Variants in CDV3 observed in about 807,000 individuals in gnomAD.
The protein encoded by CDV3 is protein CDV3 homolog.
Under a neutral mutation model 24.5 loss-of-function variants are expected in CDV3, and 14 were observed. The ratio of observed to expected loss-of-function variants is 0.57; its 90% CI spans 0.38 to 0.89. CDV3 has a LOEUF of 0.89. Among genes scored for constraint, CDV3 ranks in the 40% least tolerant of loss-of-function variants. The pLI is 0.00. For synonymous variants in CDV3, 114 were observed against 114.1 expected (o/e 1.00, Z 0.00); for missense variants, 304 against 310.2 (o/e 0.98, Z 0.15).
intron 2 of CDV3, among the ~76,000 whole-genome samples, chr3:133,583,159 A>G (rs901633929): frequency 1.3e-5 from 2 of 152,212 alleles, no homozygotes; most frequent in African/African-American, 4.8e-5. Context: ...CTGAGATCTT[A>G]TATATTTTTT....
At position 133,588,686 on chromosome 3, in the gene CDV3, G is replaced by A. The variant is rs1224018300; in HGVS notation, c.*640G>A. The A allele has an allele frequency of 3.2e-5, 10 of 309,718 alleles. No individual in the cohort carries two copies. The highest frequency in any genetic ancestry group is 5.3e-5 in the Non-Finnish European group (9 of 169,854). The allele number at this position is 309,718 out of a possible 1,614,324, so 19.2% of individuals were successfully genotyped here. On this transcript the variant is annotated 3_prime_UTR_variant, in exon 5 of 5. Coordinates refer to ENST00000264993, the MANE Select transcript of CDV3 (RefSeq NM_017548.5). ...GATGTGTTCAGATCATCTGTGTAGG[G>A]CTGTGATTTGTAATTTAAACTAATT...
Position 133,573,939 on chromosome 3 carries a change from C to G in CDV3, c.-106C>G, listed in dbSNP as rs1463478158. On this transcript the variant is annotated 5_prime_UTR_variant, in exon 1 of 5. Transcript: ENST00000264993. ...CGACCCCGCGGGGCTGAGGCGTCGC[C>G]GCGCCCGGCAGCGTGAGCGCAGAGC... The G allele has an allele frequency of 1.1e-5, 10 of 941,122 alleles. No homozygotes were observed. The highest frequency in any genetic ancestry group is 6.1e-5 in the Admixed American group (1 of 16,316). 58.3% of individuals were successfully genotyped at this position (941,122 alleles called of 1,614,324 possible).
rs879621910 is a variant in CDV3, at chr3:133,580,702, C to CA, written c.318-3288dup. ...GGGCAACAGGAGTGAAACTCCATCT[C>CA]AAAAAAAAAAAATAGAGACAGAGTC... On this transcript the variant is annotated intron_variant, in intron 2 of 4. Coordinates refer to ENST00000264993, the MANE Select transcript of CDV3 (RefSeq NM_017548.5). 3.7e-3 allele frequency among the ~76,000 whole-genome samples: 533 copies of CA among 142,362 alleles called. 3 individuals are homozygous for CA. The highest frequency in any genetic ancestry group is 0.01 in the African/African-American group (407 of 39,004). 93.4% of individuals were successfully genotyped at this position (142,362 alleles called of 152,430 possible).
At chr3:133,578,387 T>G (rs2107705456) in intron 2 of CDV3, among the ~76,000 whole-genome samples, 1 of 152,362 alleles carries the variant, frequency 6.6e-6, no homozygotes, top group South Asian at 2.1e-4. Context: ...TGGAGCCCAG[T>G]GGTTTTCTAG....
intron 1 of CDV3, 185 bp from the exon 2 acceptor site, chr3:133,574,854 C>A: frequency 1.4e-6 from 1 of 736,096 alleles, no homozygotes; most frequent in South Asian, 2.3e-5. Flanking sequence ...ATAGTGTTAG[C>A]CTACGAGCAT....
In CDV3 at chr3:133,590,022, T is replaced by TA. The variant is rs1210834939; in HGVS notation, c.*1977dup. ...TGAACAGATGAGTAAGTGGAGGTGT[T>TA]ATGTAAAGGCATATTGTACTCGAAA... is the stretch of plus-strand genomic sequence containing the variant. On this transcript the variant is annotated 3_prime_UTR_variant, in exon 5 of 5. Transcript: ENST00000264993. The TA allele has an allele frequency of 6.6e-6, 1 of 152,228 alleles. No homozygotes were observed. Among genetic ancestry groups the TA allele is most frequent in the Non-Finnish European group, 1.5e-5 (1 of 68,042 alleles). The allele number at this position is 152,228 out of a possible 1,614,324, so 9.4% of individuals were successfully genotyped here. A position where few individuals can be genotyped will look rare whatever the true frequency, so the allele number is the denominator to read the frequency against.
chr3:133,578,354 G>A (rs950812608), intron 2 of CDV3, among the ~76,000 whole-genome samples: 2 of 152,174 alleles, frequency 1.3e-5, no homozygotes, highest in Non-Finnish European at 2.9e-5. Flanking sequence ...CATTTGTCAC[G>A]TTTCAGTAAA....
In CDV3 at chr3:133,588,167, A is replaced by G; in HGVS notation, c.*121A>G. The stretch of plus-strand genomic sequence containing the variant: ...CCGATGCAGACCACTCGATTTCATG[A>G]CCGGCCCTATTGCACTATGGAAGTT... On this transcript the variant is annotated 3_prime_UTR_variant, in exon 5 of 5. Coordinates refer to ENST00000264993, the MANE Select transcript of CDV3 (RefSeq NM_017548.5). The G allele has an allele frequency of 5.8e-6, 9 of 1,544,604 alleles. 1 individual carries two copies. The South Asian group carries it at 1.1e-4, about 20-fold the overall frequency.
At chr3:133,586,110 T>G (rs1263125699) in intron 3 of CDV3, among the ~76,000 whole-genome samples, 1 of 152,132 alleles carries the variant, frequency 6.6e-6, no homozygotes, top group Non-Finnish European at 1.5e-5. Flanking sequence ...TTTTTCTTTT[T>G]TGAGAGCCGG....
Position 133,586,545 on chromosome 3 carries a change from A to G in CDV3, c.467-18A>G. ...GAGCATTTAAATAGTTTATCTAAAA[A>G]TTGTTATAAAATATTAGTTACAGAA... On this transcript the variant is annotated intron_variant, in intron 3 of 4. Transcript: ENST00000264993. The G allele has an allele frequency of 7.2e-7, 1 of 1,387,710 alleles. No homozygotes were observed. The highest frequency in any genetic ancestry group is 1.2e-5 in the South Asian group (1 of 81,304). 86.0% of individuals were successfully genotyped at this position (1,387,710 alleles called of 1,614,324 possible).
In CDV3 at chr3:133,584,021, G is replaced by A. The variant is rs199906391; in HGVS notation, c.337G>A (p.Asp113Asn). Residue 113 changes from aspartate to asparagine, a missense_variant, in exon 3 of 5, where the codon GAT becomes AAT. Asp to Asn is a conservative substitution (Grantham distance 23). This residue lies in a region of CDV3 where 219 missense variants were observed against 203.6 expected (regional missense o/e 1.08). Coordinates refer to ENST00000264993, the MANE Select transcript of CDV3 (RefSeq NM_017548.5). ...TTCCAGCAGTGAAAAGGAAGAAGAC[G>A]ATAATGAAAAGAGACAAGATCCAGG... The part of the protein sequence containing the change: ...MQISSEKEED[D>N]NEKRQDPGDN... 22 of 1,604,764 alleles carry A rather than the reference G, an allele frequency of 1.4e-5. 1 individual carries two copies. The highest frequency in any genetic ancestry group is 2.7e-5 in the African/African-American group (2 of 74,288).
intron 3 of CDV3, among the ~76,000 whole-genome samples, chr3:133,585,470 T>C: frequency 6.6e-6 from 1 of 151,424 alleles, no homozygotes; most frequent in Non-Finnish European, 1.5e-5. Flanking sequence ...CGTGAGCCAT[T>C]GTGCCTGGCT....
chr3:133,579,587 G>A (rs982919492), intron 2 of CDV3, among the ~76,000 whole-genome samples: 10 of 151,674 alleles, frequency 6.6e-5, no homozygotes, highest in Non-Finnish European at 1.3e-4. Flanking sequence ...AGTGTTTTTG[G>A]TTTGTTCGTT....
At chr3:133,575,554 A>G (rs2074773530) in intron 2 of CDV3, among the ~76,000 whole-genome samples, 1 of 152,358 alleles carries the variant, frequency 6.6e-6, no homozygotes, top group Admixed American at 6.5e-5. Context: ...ATGTGTTCAC[A>G]CAGTGCAACC....
chr3:133,576,841 C>CTTTTTGTTTTTTTTTTTT (rs2074827558), intron 2 of CDV3, among the ~76,000 whole-genome samples: 4 of 62,388 alleles, frequency 6.4e-5, no homozygotes, highest in East Asian at 5.2e-4. Flanking sequence ...GGTAGACTAG[C>CTTTTTGTTTTTTTTTTTT]TTTTTTTTTT....
intron 2 of CDV3, among the ~76,000 whole-genome samples, chr3:133,575,350 C>G (rs1001266827): frequency 1.3e-5 from 2 of 152,326 alleles, no homozygotes; most frequent in Middle Eastern, 3.4e-3. Flanking sequence ...ACTTCCAGTT[C>G]TGGTTAGGAC....
At chr3:133,577,172 T>G (rs2074847573) in intron 2 of CDV3, among the ~76,000 whole-genome samples, 1 of 151,996 alleles carries the variant, frequency 6.6e-6, no homozygotes, top group African/African-American at 2.4e-5. Context: ...TTGTTTTTTT[T>G]GTTTTCTTAG....
intron 1 of CDV3, chr3:133,574,711 C>G: frequency 9.2e-7 from 1 of 1,089,198 alleles, no homozygotes; most frequent in Non-Finnish European, 1.1e-6. Flanking sequence ...TCTCTAAGCC[C>G]GTGAAAGAAA....
intron 2 of CDV3, among the ~76,000 whole-genome samples, chr3:133,578,954 CTTAGAGAATA>C (rs2074918088): frequency 6.6e-6 from 1 of 152,130 alleles, no homozygotes; most frequent in Non-Finnish European, 1.5e-5. Flanking sequence ...TTTCTCAAAT[CTTAGAGAATA>C]TTTTTGCATC....
Sources: gnomAD v4.1 joint callset for allele counts (sites outside exome capture counted in the v4.1 genomes callset) on GRCh38, gnomAD v4.1.1 for gene constraint, gnomAD v4.1.1 regional missense constraint, MANE v1.5 for transcripts, NCBI Gene and HGNC (gene_info 2026-07-23, HGNC 2026-07-21) for gene names.